Variants in FAAH2 observed in about 807,000 individuals in gnomAD.
FAAH2 encodes fatty acid amide hydrolase 2.
FAAH2 carries 60 observed loss-of-function variants against 36.9 expected under a neutral mutation model. The ratio of observed to expected loss-of-function variants is 1.63; its 90% confidence interval spans 1.32 to 2.02. FAAH2 has a LOEUF of 2.02. Ranked by LOEUF, FAAH2 falls within the 30% of genes most tolerant of loss-of-function variation. FAAH2 has a pLI of 0.00. For synonymous variants in FAAH2, 214 were observed against 143.8 expected (o/e 1.49, Z -3.49); for missense variants, 689 against 397.5 (o/e 1.73, Z -6.23).
chrX:57,174,200 T>C, the FAAH2 span, among the ~76,000 whole-genome samples: 1 of 109,984 alleles, frequency 9.1e-6, no homozygotes, highest in Admixed American at 9.6e-5. Context: ...GGAATCTCTC[T>C]AGCCCCGAGA....
intron 8 of FAAH2, among the ~76,000 whole-genome samples, chrX:57,445,987 G>A (rs1385545340): frequency 8.9e-6 from 1 of 112,524 alleles, no homozygotes; most frequent in East Asian, 2.8e-4. Flanking sequence ...AGCCAGGACT[G>A]GAGTTCCTCC....
At chrX:57,237,763 A>C in the FAAH2 span, among the ~76,000 whole-genome samples, 2 of 111,394 alleles carry the variant, frequency 1.8e-5, no homozygotes, top group Non-Finnish European at 3.8e-5. Flanking sequence ...AAAAAGATCT[A>C]ATATCCAGCA....
At chrX:57,471,920 G>T (rs765540364) in intron 10 of FAAH2, among the ~76,000 whole-genome samples, 100 of 110,914 alleles carry the variant, frequency 9.0e-4, no homozygotes, top group Middle Eastern at 9.1e-3. Flanking sequence ...ACAGAACAGA[G>T]CACTCAGAAA....
intron 3 of FAAH2, among the ~76,000 whole-genome samples, chrX:57,323,902 T>C (rs2053122321): frequency 9.0e-6 from 1 of 111,211 alleles, no homozygotes; most frequent in Non-Finnish European, 1.9e-5. Context: ...GTTTTAGACA[T>C]GAAGTCCTTG....
the FAAH2 span, among the ~76,000 whole-genome samples, chrX:57,243,480 A>G: frequency 0.01 from 1,125 of 111,923 alleles, 45 homozygotes; most frequent in Admixed American, 0.084. Flanking sequence ...GAGTCAACAG[A>G]CACCTCATAT....
chrX:57,472,422 G>A (rs1230773054), intron 10 of FAAH2, among the ~76,000 whole-genome samples: 1 of 111,939 alleles, frequency 8.9e-6, no homozygotes, highest in East Asian at 2.8e-4. Flanking sequence ...ATCAACAAGT[G>A]TCCTGTAGTT....
chrX:57,424,033 C>T (rs1327781122), intron 7 of FAAH2, among the ~76,000 whole-genome samples: 1 of 111,603 alleles, frequency 9.0e-6, no homozygotes, highest in East Asian at 2.8e-4. Context: ...ACATCTGCTG[C>T]CTTCATTGCC....
chrX:57,184,823 A>C, the FAAH2 span, among the ~76,000 whole-genome samples: 1 of 112,284 alleles, frequency 8.9e-6, no homozygotes, highest in Non-Finnish European at 1.9e-5. Context: ...AAAAGAGAAA[A>C]GGTTTTCCAA....
intron 8 of FAAH2, among the ~76,000 whole-genome samples, chrX:57,432,898 A>G (rs2056333406): frequency 2.7e-5 from 3 of 110,349 alleles, no homozygotes; most frequent in African/African-American, 9.9e-5. Flanking sequence ...TGGATTAACA[A>G]TATTTTTTAT....
chrX:57,427,631 A>G (rs1381185764), intron 7 of FAAH2, among the ~76,000 whole-genome samples: 1 of 112,017 alleles, frequency 8.9e-6, no homozygotes. Flanking sequence ...AATTCACCAC[A>G]TAAACAGAAT....
At chrX:57,415,691 T>C (rs758739940) in intron 7 of FAAH2, among the ~76,000 whole-genome samples, 2 of 111,695 alleles carry the variant, frequency 1.8e-5, no homozygotes, top group Non-Finnish European at 3.8e-5. Flanking sequence ...TTGAGAATAA[T>C]GTATATTCTG....
intron 8 of FAAH2, among the ~76,000 whole-genome samples, chrX:57,446,708 G>A (rs773847881): frequency 9.0e-6 from 1 of 111,245 alleles, no homozygotes; most frequent in Admixed American, 9.6e-5. Flanking sequence ...TCTTTCACTA[G>A]GCACAATATT....
chrX:57,197,983 G>T, the FAAH2 span, among the ~76,000 whole-genome samples: 3 of 111,980 alleles, frequency 2.7e-5, no homozygotes, highest in Admixed American at 1.9e-4. Flanking sequence ...ATTAGTTGGT[G>T]TAATGGATTG....
In FAAH2 at chrX:57,349,079, TAC is replaced by T. The variant is rs1423557763; in HGVS notation, c.742+7693_742+7694del. On this transcript the variant is annotated intron_variant, in intron 5 of 10. Coordinates refer to ENST00000374900, the MANE Select transcript of FAAH2 (RefSeq NM_174912.4). ...GAGAAATATATATATATATTATATA[TAC>T]ACATATATATATTATATATATAATG... is the stretch of plus-strand genomic sequence containing the variant. 9.3e-4 allele frequency among the ~76,000 whole-genome samples: 91 copies of T among 97,542 alleles called. 1 individual carries two copies. Among genetic ancestry groups the T allele is most frequent in the African/African-American group, 3.2e-3 (87 of 27,181 alleles). The allele number at this position is 97,542 out of a possible 115,157, so 84.7% of individuals were successfully genotyped here.
intron 3 of FAAH2, among the ~76,000 whole-genome samples, chrX:57,329,613 G>A (rs1020104062): frequency 5.6e-5 from 6 of 107,024 alleles, no homozygotes; most frequent in South Asian, 4.2e-4. Flanking sequence ...GGTAGAGAAG[G>A]GAAGACAAGG....
At chrX:57,244,897 A>C in the FAAH2 span, among the ~76,000 whole-genome samples, 1 of 111,781 alleles carries the variant, frequency 8.9e-6, no homozygotes, top group Non-Finnish European at 1.9e-5. Context: ...CTTAAATGTA[A>C]ATGGGTTAAA....
At chrX:57,463,635 C>T (rs1020709345) in intron 10 of FAAH2, among the ~76,000 whole-genome samples, 3 of 111,214 alleles carry the variant, frequency 2.7e-5, no homozygotes, top group Non-Finnish European at 5.7e-5. Flanking sequence ...ATTTATCTGG[C>T]CAACAAACAT....
chrX:57,441,669 CT>C (rs1030582142), intron 8 of FAAH2, among the ~76,000 whole-genome samples: 19 of 109,802 alleles, frequency 1.7e-4, no homozygotes, highest in African/African-American at 5.6e-4. Context: ...TGTGTTGGCT[CT>C]TGCTTCTCTA....
At chrX:57,242,844 A>C in the FAAH2 span, among the ~76,000 whole-genome samples, 1 of 112,283 alleles carries the variant, frequency 8.9e-6, no homozygotes, top group South Asian at 3.7e-4. Flanking sequence ...TGTGGGCAGA[A>C]ACTGATCTAG....
Sources: gnomAD v4.1 joint callset for allele counts (sites outside exome capture counted in the v4.1 genomes callset) on GRCh38, gnomAD v4.1.1 for gene constraint, MANE v1.5 for transcripts, NCBI Gene and HGNC (gene_info 2026-07-23, HGNC 2026-07-21) for gene names.